The following CFAP54 variants were observed in gnomAD, a reference collection of about 807,000 sequenced individuals.
CFAP54 encodes the protein cilia- and flagella-associated protein 54.
A neutral mutation model predicts 370.4 loss-of-function variants in CFAP54; 290 were observed. The ratio of observed to expected loss-of-function variants is 0.78; its 90% CI spans 0.71 to 0.86. The LOEUF (loss-of-function observed/expected upper bound fraction) is 0.86, where lower values mean the gene tolerates loss of function less well. CFAP54 is among the 40% of genes least tolerant of loss of function. CFAP54 has a pLI of 0.00. For synonymous variants in CFAP54, 1,206 were observed against 1,236.5 expected (o/e 0.98, Z 0.52); for missense variants, 3,399 against 3,528.7 (o/e 0.96, Z 0.93).
Position 96,657,384 on chromosome 12 carries a change from G to A in CFAP54, c.5101-498G>A, listed in dbSNP as rs143851462. On this transcript the variant is annotated intron_variant, in intron 36 of 67. Coordinates refer to ENST00000524981, the MANE Select transcript of CFAP54 (RefSeq NM_001306084.2). ...GTATAAATTAACGAATGTAACCAAC[G>A]TATTAGGGAACTTCATTATGTGTTT... Among the ~76,000 whole-genome samples, 50 of 152,234 alleles carry A rather than the reference G, an allele frequency of 3.3e-4. No individual in the cohort carries two copies. The South Asian group carries it at 4.6e-3, about 14-fold the overall frequency.
chr12:96,533,787 C>T lies in CFAP54; in HGVS notation c.1358-5C>T. 1 of 1,502,092 alleles carries T rather than the reference C, an allele frequency of 6.7e-7. No individual in the cohort carries two copies. The highest frequency in any genetic ancestry group is 2.5e-5 in the East Asian group (1 of 40,526). The allele number at this position is 1,502,092 out of a possible 1,614,324, so 93.0% of individuals were successfully genotyped here. On this transcript the variant is annotated splice_polypyrimidine_tract_variant and splice_region_variant and intron_variant, in intron 9 of 67. Transcript: ENST00000524981. ...ATATTCAAAACTCTCTTCTTCCTTT[C>T]CTAGTGTCAAATATTGGTGCAGATG...
intron 50 of CFAP54, among the ~76,000 whole-genome samples, chr12:96,724,764 GAATGGT>G (rs1488676089): frequency 6.6e-6 from 1 of 152,158 alleles, no homozygotes; most frequent in Non-Finnish European, 1.5e-5. Context: ...CCTATTTCCT[GAATGGT>G]AATGCCTAGG....
chr12:96,559,427 G>A (rs1955792553), intron 17 of CFAP54, among the ~76,000 whole-genome samples: 1 of 152,174 alleles, frequency 6.6e-6, no homozygotes, highest in Admixed American at 6.5e-5. Context: ...AAAGTTAACT[G>A]TGGTAAACTG....
At chr12:96,841,743 A>G (rs1191934827) in intron 66 of CFAP54, among the ~76,000 whole-genome samples, 6 of 152,238 alleles carry the variant, frequency 3.9e-5, no homozygotes, top group Non-Finnish European at 8.8e-5. Context: ...ACAAGTCATT[A>G]GTCCTGAAAG....
intron 63 of CFAP54, among the ~76,000 whole-genome samples, chr12:96,806,523 A>G (rs1958884849): frequency 6.6e-6 from 1 of 152,034 alleles, no homozygotes; most frequent in Admixed American, 6.6e-5. Context: ...AATAAAAGCT[A>G]TACTCTGTTT....
intron 9 of CFAP54, among the ~76,000 whole-genome samples, chr12:96,529,129 T>C (rs992576077): frequency 5.9e-5 from 9 of 152,326 alleles, no homozygotes; most frequent in African/African-American, 2.2e-4. Context: ...TTATGTATTA[T>C]TTGGAACTGT....
intron 40 of CFAP54, chr12:96,682,324 C>G (rs1957282015): frequency 1.0e-6 from 1 of 985,206 alleles, no homozygotes; most frequent in African/African-American, 1.7e-5. Context: ...TTCTTCTTAT[C>G]ACCAAACTAT....
rs906627707 is a variant in CFAP54, at chr12:96,631,429, T to C, written c.4316+778T>C. Among the ~76,000 whole-genome samples, 4 of 151,876 alleles carry C rather than the reference T, an allele frequency of 2.6e-5. No individual in the cohort carries two copies. In the East Asian group the frequency reaches 7.7e-4, roughly 29 times the overall value. ...AATTCATATGTCAACCACATATGTATGTAGCCCCAAATAATGCATGCTGTA... is the reference window on the plus strand; with the variant it reads ...AATTCATATGTCAACCACATATGTACGTAGCCCCAAATAATGCATGCTGTA... On this transcript the variant is annotated intron_variant, in intron 32 of 67. Coordinates refer to ENST00000524981, the MANE Select transcript of CFAP54 (RefSeq NM_001306084.2).
chr12:96,720,224 C>T (rs1026224521), intron 49 of CFAP54, among the ~76,000 whole-genome samples, 181 bp from the exon 50 acceptor site: 6 of 152,182 alleles, frequency 3.9e-5, no homozygotes, highest in African/African-American at 1.4e-4. Context: ...CTTTCCTTTT[C>T]GTTTTCTGTT....
intron 26 of CFAP54, among the ~76,000 whole-genome samples, chr12:96,607,337 A>T (rs1488621007): frequency 7.0e-6 from 1 of 142,736 alleles, no homozygotes; most frequent in Non-Finnish European, 1.5e-5. Flanking sequence ...AGACTTGGTT[A>T]AAAAAAAAAA....
chr12:96,489,993 A>T (rs1954860444), intron 1 of CFAP54, 67 bp downstream of exon 1: 1 of 1,403,428 alleles, frequency 7.1e-7, no homozygotes. Context: ...GGGCTGGAGG[A>T]TGCAGGTGGT....
chr12:96,827,127 A>T (rs888039855), intron 65 of CFAP54, among the ~76,000 whole-genome samples: 11 of 93,700 alleles, frequency 1.2e-4, no homozygotes, highest in African/African-American at 4.2e-4. Flanking sequence ...ATAATGTGCA[A>T]TTATATGTGA....
chr12:96,557,000 A>G (rs958256227), intron 17 of CFAP54, among the ~76,000 whole-genome samples: 60 of 152,302 alleles, frequency 3.9e-4, no homozygotes, highest in African/African-American at 1.4e-3. Context: ...ACAAACTCCC[A>G]TGACATGAGT....
At chr12:96,694,907 G>C (rs991675495) in intron 45 of CFAP54, among the ~76,000 whole-genome samples, 1 of 152,086 alleles carries the variant, frequency 6.6e-6, no homozygotes, top group Non-Finnish European at 1.5e-5. Context: ...TGAAATCCCA[G>C]CTACTCTGGA....
chr12:96,725,089 T>G (rs973828062), intron 50 of CFAP54, among the ~76,000 whole-genome samples: 5 of 152,320 alleles, frequency 3.3e-5, no homozygotes, highest in South Asian at 2.1e-4. Context: ...CCTTGTAGTA[T>G]AGTTTGAAGT....
intron 60 of CFAP54, among the ~76,000 whole-genome samples, chr12:96,771,417 C>T (rs752997140): frequency 1.2e-4 from 19 of 152,156 alleles, no homozygotes; most frequent in Non-Finnish European, 1.8e-4. Flanking sequence ...CTTTGGGAGG[C>T]CAAGGCGGGC....
At chr12:96,657,034 A>G (rs1308707522) in intron 36 of CFAP54, among the ~76,000 whole-genome samples, 1 of 152,224 alleles carries the variant, frequency 6.6e-6, no homozygotes, top group Non-Finnish European at 1.5e-5. Context: ...TTCAAGGACT[A>G]CAGCTCTTGT....
intron 41 of CFAP54, 72 bp downstream of exon 41, chr12:96,684,807 A>G: frequency 7.7e-7 from 1 of 1,296,366 alleles, no homozygotes; most frequent in Non-Finnish European, 1.1e-6. Flanking sequence ...TTTTTAATGA[A>G]AAAACATTGT....
At chr12:96,580,826 G>T (rs911297465) in intron 21 of CFAP54, 94 bp from the exon 22 acceptor site, 4 of 1,140,954 alleles carry the variant, frequency 3.5e-6, no homozygotes, top group Non-Finnish European at 4.6e-6. Context: ...AAAGAAAAAG[G>T]TTTTTTTTTA....
Sources: gnomAD v4.1 joint callset for allele counts (sites outside exome capture counted in the v4.1 genomes callset) on GRCh38, gnomAD v4.1.1 for gene constraint, MANE v1.5 for transcripts, NCBI Gene and HGNC (gene_info 2026-07-23, HGNC 2026-07-21) for gene names.